Variants in DPF3 observed in about 807,000 individuals in gnomAD.
DPF3 encodes zinc finger protein DPF3.
DPF3 carries 18 observed loss-of-function variants against 56.8 expected under a neutral mutation model. The observed-to-expected ratio is 0.32, with a 90% CI of 0.22 to 0.47. The LOEUF (loss-of-function observed/expected upper bound fraction) is 0.47, where lower values mean the gene tolerates loss of function less well. Among genes scored for constraint, DPF3 ranks in the 20% least tolerant of loss-of-function variants. DPF3 has a pLI of 1.00. For missense variants in DPF3, 403 were observed against 488.8 expected (o/e 0.82, Z 1.65); for synonymous variants, 188 against 180.2 (o/e 1.04, Z -0.35).
intron 1 of DPF3, among the ~76,000 whole-genome samples, chr14:72,773,133 GTT>G (rs61015684): frequency 0.024 from 2,814 of 117,652 alleles, 70 homozygotes; most frequent in African/African-American, 0.071. Flanking sequence ...GGTTTTTTGG[GTT>G]TTTTTTTTTT....
At chr14:72,807,046 A>T (rs1267171312) in intron 1 of DPF3, among the ~76,000 whole-genome samples, 1 of 152,100 alleles carries the variant, frequency 6.6e-6, no homozygotes, top group Non-Finnish European at 1.5e-5. Flanking sequence ...CCTACCCCGC[A>T]GGGTCAGGGA....
chr14:72,876,836 G>A (rs1235357609), intron 1 of DPF3, among the ~76,000 whole-genome samples: 1 of 152,216 alleles, frequency 6.6e-6, no homozygotes, highest in East Asian at 1.9e-4. Flanking sequence ...TAGGCTGATC[G>A]TTTAGCGCAG....
chr14:72,856,259 G>A (rs914378286), intron 1 of DPF3, among the ~76,000 whole-genome samples: 43 of 152,152 alleles, frequency 2.8e-4, no homozygotes, highest in African/African-American at 9.9e-4. Context: ...AGGATGCTGT[G>A]GTGGGTTCCC....
At chr14:72,875,389 A>T (rs1352659839) in intron 1 of DPF3, among the ~76,000 whole-genome samples, 3 of 152,224 alleles carry the variant, frequency 2.0e-5, no homozygotes, top group Non-Finnish European at 2.9e-5. Context: ...CCTGGGCAAC[A>T]GGGCAAGACC....
chr14:72,874,988 G>A (rs190266924), intron 1 of DPF3, among the ~76,000 whole-genome samples: 134 of 152,300 alleles, frequency 8.8e-4, no homozygotes, highest in African/African-American at 3.0e-3. Flanking sequence ...GGGAGGCCTC[G>A]GAATCATGGC....
intron 1 of DPF3, among the ~76,000 whole-genome samples, chr14:72,838,230 ACGC>A (rs1293269778): frequency 6.6e-6 from 1 of 152,228 alleles, no homozygotes; most frequent in Non-Finnish European, 1.5e-5. Flanking sequence ...ACGGTGGCTC[ACGC>A]CTGTAATTCC....
intron 8 of DPF3, among the ~76,000 whole-genome samples, chr14:72,640,031 T>A (rs1599322690): frequency 7.4e-5 from 3 of 40,430 alleles, no homozygotes; most frequent in Non-Finnish European, 1.0e-4. Flanking sequence ...AAAGGATAAA[T>A]AGGAGTTTTC....
At chr14:72,778,796 C>G (rs896406940) in intron 1 of DPF3, among the ~76,000 whole-genome samples, 3 of 152,182 alleles carry the variant, frequency 2.0e-5, no homozygotes, top group African/African-American at 4.8e-5. Flanking sequence ...AATCCCCTTT[C>G]CTTCCACATT....
chr14:72,887,438 A>G (rs1886592313), intron 1 of DPF3, among the ~76,000 whole-genome samples: 2 of 152,294 alleles, frequency 1.3e-5, no homozygotes, highest in African/African-American at 4.8e-5. Context: ...AGGAAGTTCC[A>G]CCCAGCTTAG....
At chr14:72,629,339 T>C (rs2153566905) in intron 9 of DPF3, among the ~76,000 whole-genome samples, 1 of 152,342 alleles carries the variant, frequency 6.6e-6, no homozygotes, top group East Asian at 1.9e-4. Context: ...TTGCCCATAA[T>C]AAAAAATGTT....
In DPF3 at chr14:72,884,047, C is replaced by G. The variant is rs181376730; in HGVS notation, c.32+10010G>C. 3.1e-3 allele frequency among the ~76,000 whole-genome samples: 472 copies of G among 152,312 alleles called. 4 individuals are homozygous for G. Among genetic ancestry groups the G allele is most frequent in the African/African-American group, 0.011 (455 of 41,568 alleles). On this transcript the variant is annotated intron_variant, in intron 1 of 10. Transcript: ENST00000556509. ...CCCCTGCCCCGCCTCCACTTCTTCT[C>G]TCTCCCTCAGTCATCTCAGTTGAAG... is the stretch of plus-strand genomic sequence containing the variant.
intron 1 of DPF3, among the ~76,000 whole-genome samples, chr14:72,781,430 A>G (rs1275707582): frequency 6.6e-6 from 1 of 152,166 alleles, no homozygotes; most frequent in Non-Finnish European, 1.5e-5. Flanking sequence ...TGAACCCTAA[A>G]ACATCCATCA....
chr14:72,857,883 G>A lies in DPF3; in HGVS notation c.32+36174C>T, dbSNP rs75554594. Among the ~76,000 whole-genome samples the A allele has an allele frequency of 2.6e-3, 398 of 152,194 alleles. 7 individuals are homozygous for A. The East Asian group carries it at 0.03, about 11-fold the overall frequency. Reference sequence around the variant, plus strand: ...ATTACAGGCGTGAGCCACCACGCCTGGCCTGCAAGGAGTTCGTTATGCATG... The same window carrying A: ...ATTACAGGCGTGAGCCACCACGCCTAGCCTGCAAGGAGTTCGTTATGCATG... On this transcript the variant is annotated intron_variant, in intron 1 of 10. Coordinates refer to ENST00000556509, the MANE Select transcript of DPF3 (RefSeq NM_001280542.3).
At chr14:72,622,804 G>C (rs1599309259) in intron 9 of DPF3, among the ~76,000 whole-genome samples, 1 of 152,032 alleles carries the variant, frequency 6.6e-6, no homozygotes, top group Non-Finnish European at 1.5e-5. Flanking sequence ...GATATCCAGG[G>C]TAAATCCCTG....
rs1291767855 is a variant in DPF3 at position 72,857,392 on chromosome 14, C to T, written c.32+36665G>A. Among the ~76,000 whole-genome samples the T allele has an allele frequency of 2.6e-5, 4 of 152,296 alleles. No individual in the cohort carries two copies. The East Asian group carries it at 5.8e-4, about 22-fold the overall frequency. On this transcript the variant is annotated intron_variant, in intron 1 of 10. Coordinates refer to ENST00000556509, the MANE Select transcript of DPF3 (RefSeq NM_001280542.3). ...AAAAAGCAAAAGTTTAAACATGGTT[C>T]CATCTGCAACTAGGAACTGGTCGGG...
intron 1 of DPF3, among the ~76,000 whole-genome samples, chr14:72,840,259 G>A (rs1382645614): frequency 1.3e-5 from 2 of 152,190 alleles, no homozygotes; most frequent in African/African-American, 2.4e-5. Context: ...ACTGACCCAT[G>A]TGGGGCTCAG....
intron 3 of DPF3, among the ~76,000 whole-genome samples, chr14:72,751,533 G>A (rs1890574768): frequency 6.6e-6 from 1 of 152,182 alleles, no homozygotes; most frequent in South Asian, 2.1e-4. Context: ...TGTAGGTCTA[G>A]AACCACACTG....
intron 1 of DPF3, among the ~76,000 whole-genome samples, chr14:72,776,874 G>C (rs967166834): frequency 1.1e-4 from 17 of 151,686 alleles, no homozygotes; most frequent in Admixed American, 6.6e-5. Flanking sequence ...GCGGGGGTGG[G>C]GGTGGGGGCC....
rs748962682 is a variant in DPF3, at chr14:72,619,272, G to A, written c.*25C>T. 1.4e-5 allele frequency: 22 copies of A among 1,534,670 alleles called. No homozygotes were observed. The highest frequency in any genetic ancestry group is 1.2e-4 in the Admixed American group (6 of 50,904). The stretch of plus-strand genomic sequence containing the variant: ...GCTCTGCTTTAGGATCTCCAGCAGC[G>A]AGTCACATTCTGTGACCTGGGGCCC... On this transcript the variant is annotated 3_prime_UTR_variant, in exon 11 of 11. Coordinates refer to ENST00000556509, the MANE Select transcript of DPF3 (RefSeq NM_001280542.3).
Sources: allele counts gnomAD v4.1 joint callset (sites outside exome capture counted in the v4.1 genomes callset), GRCh38; gene constraint gnomAD v4.1.1; transcripts MANE v1.5; gene names NCBI Gene and HGNC (gene_info 2026-07-23, HGNC 2026-07-21).